The following SGIP1 variants were observed in gnomAD, a reference collection of about 807,000 sequenced individuals.
SGIP1 encodes the protein SH3GL interacting endocytic adaptor 1, also known as SH3-containing GRB2-like protein 3-interacting protein 1.
SGIP1 carries 38 observed loss-of-function variants against 107.5 expected under a neutral mutation model. That is an observed-to-expected ratio of 0.35 (90% confidence interval 0.27 to 0.46). The LOEUF is 0.46. Ranked by LOEUF, SGIP1 falls within the 20% of genes least tolerant of loss-of-function variation. The pLI is 1.00. For synonymous variants in SGIP1, 365 were observed against 366.1 expected, an observed-to-expected ratio of 1.00 and a Z score of 0.03; for missense variants, 929 against 1,019.5, an observed-to-expected ratio of 0.91 and a Z score of 1.21.
intron 5 of SGIP1, among the ~76,000 whole-genome samples, chr1:66,640,663 G>A (rs538020971): frequency 1.4e-4 from 21 of 152,084 alleles, no homozygotes; most frequent in Non-Finnish European, 2.9e-4. Context: ...AGAGGGGCAG[G>A]AGCCAGCCCT....
intron 17 of SGIP1, among the ~76,000 whole-genome samples, chr1:66,693,606 T>C (rs1045171220): frequency 6.6e-6 from 1 of 152,258 alleles, no homozygotes; most frequent in African/African-American, 2.4e-5. Context: ...TTCAATTTTC[T>C]GTTAAAGTTG....
chr1:66,635,804 A>T (rs1212990280), intron 3 of SGIP1, 140 bp from the exon 4 acceptor site: 1 of 802,618 alleles, frequency 1.2e-6, no homozygotes, highest in Non-Finnish European at 2.0e-6. Context: ...CCCTGCCAAG[A>T]TTGGTAGGCC....
intron 18 of SGIP1, among the ~76,000 whole-genome samples, chr1:66,717,900 G>A (rs944848185): frequency 1.3e-5 from 2 of 152,130 alleles, no homozygotes; most frequent in Non-Finnish European, 2.9e-5. Flanking sequence ...GCTGATGATC[G>A]GAATGCTGCT....
intron 1 of SGIP1, among the ~76,000 whole-genome samples, chr1:66,584,575 C>T (rs1352942253): frequency 6.6e-6 from 1 of 152,056 alleles, no homozygotes; most frequent in Non-Finnish European, 1.5e-5. Context: ...TTTTCATGAA[C>T]TAGAATCACT....
chr1:66,594,569 C>T (rs1183958733), intron 1 of SGIP1, among the ~76,000 whole-genome samples: 2 of 152,160 alleles, frequency 1.3e-5, no homozygotes, highest in African/African-American at 4.8e-5. Flanking sequence ...TTTGCCAGTG[C>T]TCAGTGATGA....
intron 1 of SGIP1, among the ~76,000 whole-genome samples, chr1:66,621,520 T>A (rs916491184): frequency 3.2e-4 from 49 of 152,242 alleles, no homozygotes; most frequent in African/African-American, 1.1e-3. Context: ...ATTCTCAATG[T>A]CATGCAACAT....
chr1:66,743,064 G>T lies in SGIP1; in HGVS notation c.2465-9G>T. The T allele has an allele frequency of 6.2e-7, 1 of 1,613,512 alleles. No individual in the cohort carries two copies. The highest frequency in any genetic ancestry group is 1.1e-5 in the South Asian group (1 of 91,070). On this transcript the variant is annotated splice_polypyrimidine_tract_variant and intron_variant, in intron 24 of 24. Transcript: ENST00000371037. ...AGATAACCTGTTGACATGCTGTTTTGTTTTGCAGGAAAATACTTGGCAGAT... is the reference window on the plus strand; with the variant it reads ...AGATAACCTGTTGACATGCTGTTTTTTTTTGCAGGAAAATACTTGGCAGAT...
intron 8 of SGIP1, among the ~76,000 whole-genome samples, chr1:66,665,563 G>A (rs576650053): frequency 3.3e-5 from 5 of 152,230 alleles, no homozygotes; most frequent in Admixed American, 2.6e-4. Context: ...TTCCACAATG[G>A]TTGAACTCAT....
At chr1:66,742,534 A>T (rs1208501110) in intron 24 of SGIP1, among the ~76,000 whole-genome samples, 1 of 118,320 alleles carries the variant, frequency 8.5e-6, no homozygotes, top group Non-Finnish European at 1.6e-5. Context: ...CAGTGGCGCT[A>T]TCCCGGCTCA....
At chr1:66,712,756 T>A (rs2092998066) in intron 18 of SGIP1, among the ~76,000 whole-genome samples, 1 of 152,142 alleles carries the variant, frequency 6.6e-6, no homozygotes, top group Non-Finnish European at 1.5e-5. Flanking sequence ...CTGTTAAGAA[T>A]TTAAATTATT....
chr1:66,668,660 A>G (rs572185485), intron 9 of SGIP1, among the ~76,000 whole-genome samples: 69 of 152,210 alleles, frequency 4.5e-4, no homozygotes, highest in Non-Finnish European at 8.4e-4. Flanking sequence ...TGATGCAAAT[A>G]CCCTGCCCCA....
intron 13 of SGIP1, among the ~76,000 whole-genome samples, chr1:66,677,968 A>G (rs1203277520): frequency 6.6e-6 from 1 of 152,136 alleles, no homozygotes; most frequent in Non-Finnish European, 1.5e-5. Context: ...AACCGCGGGG[A>G]TTCATAATCA....
intron 1 of SGIP1, among the ~76,000 whole-genome samples, chr1:66,608,795 T>C (rs1331815804): frequency 1.3e-5 from 2 of 152,206 alleles, no homozygotes; most frequent in Non-Finnish European, 1.5e-5. Flanking sequence ...GAGGGTCTCT[T>C]CAGTGTTGTA....
intron 24 of SGIP1, 40 bp from the exon 25 acceptor site, chr1:66,743,033 A>T: frequency 6.2e-7 from 1 of 1,612,006 alleles, no homozygotes; most frequent in Non-Finnish European, 8.5e-7. Context: ...ACATTATTGA[A>T]CTACCAGATA....
chr1:66,720,626 T>C (rs960289952), intron 19 of SGIP1, among the ~76,000 whole-genome samples: 3 of 151,934 alleles, frequency 2.0e-5, no homozygotes, highest in Non-Finnish European at 4.4e-5. Flanking sequence ...CTTAGGAAGT[T>C]GAGGTGGGAG....
At chr1:66,549,163 CT>C (rs2056994454) in intron 1 of SGIP1, among the ~76,000 whole-genome samples, 8 of 150,968 alleles carry the variant, frequency 5.3e-5, no homozygotes, top group Non-Finnish European at 1.0e-4. Context: ...TCCTTCCTTC[CT>C]TCCTTCCTTC....
At chr1:66,627,670 C>A (rs2073200440) in intron 2 of SGIP1, among the ~76,000 whole-genome samples, 1 of 152,040 alleles carries the variant, frequency 6.6e-6, no homozygotes, top group African/African-American at 2.4e-5. Flanking sequence ...TTACTGTTGT[C>A]CTGCAAATTT....
At chr1:66,694,306 G>A in intron 17 of SGIP1, 1 of 668,666 alleles carries the variant, frequency 1.5e-6, no homozygotes, top group Non-Finnish European at 2.5e-6. Flanking sequence ...TAATTCCAGT[G>A]TTTTCAGTTT....
At chr1:66,627,025 A>G (rs958207856) in intron 2 of SGIP1, among the ~76,000 whole-genome samples, 3 of 152,202 alleles carry the variant, frequency 2.0e-5, no homozygotes, top group African/African-American at 7.2e-5. Flanking sequence ...GAGATAAAAT[A>G]TCTACTACAT....
Sources: allele counts gnomAD v4.1 joint callset (sites outside exome capture counted in the v4.1 genomes callset), GRCh38; gene constraint gnomAD v4.1.1; transcripts MANE v1.5; gene names NCBI Gene and HGNC (gene_info 2026-07-23, HGNC 2026-07-21).